Variants in NEMP2 observed in about 807,000 individuals in gnomAD.
The protein encoded by NEMP2 is UPF0571 transmembrane protein.
A neutral mutation model predicts 54.2 loss-of-function variants in NEMP2; 53 were observed. The ratio of observed to expected loss-of-function variants is 0.98; its 90% CI spans 0.78 to 1.23. The LOEUF is 1.23. Among genes scored for constraint, NEMP2 ranks in the 50% most tolerant of loss-of-function variants. The probability of loss-of-function intolerance (pLI) is 0.00; values close to 1 mark genes in which losing one functional copy is unlikely to be tolerated. For synonymous variants in NEMP2, 197 were observed against 190.3 expected (o/e 1.04, Z -0.29); for missense variants, 455 against 511.3 (o/e 0.89, Z 1.06).
the NEMP2 span, among the ~76,000 whole-genome samples, chr2:190,492,907 C>A: frequency 3.3e-5 from 5 of 151,910 alleles, no homozygotes; most frequent in African/African-American, 4.8e-5. The surrounding 1 kb of genome is among the most constrained non-coding windows in gnomAD (Gnocchi z 5.2). Flanking sequence ...CCTGGAAACA[C>A]ATCCAAACAG....
At chr2:190,491,118 T>A in the NEMP2 span, among the ~76,000 whole-genome samples, 3 of 152,182 alleles carry the variant, frequency 2.0e-5, no homozygotes, top group African/African-American at 7.2e-5. This position sits in a 1 kb window ranked among gnomAD's most constrained non-coding sequence, Gnocchi z 4.2. Context: ...AAATTTAAAA[T>A]CATTAATTAA....
the NEMP2 span, chr2:190,489,932 C>CT: frequency 1.5e-5 from 21 of 1,415,488 alleles, no homozygotes; most frequent in African/African-American, 2.8e-5. The surrounding 1 kb of genome is among the most constrained non-coding windows in gnomAD (Gnocchi z 6.6). Context: ...ACAAATGCCC[C>CT]GAGAAGCCTA....
the NEMP2 span, among the ~76,000 whole-genome samples, chr2:190,599,779 T>C: frequency 6.6e-6 from 1 of 152,170 alleles, no homozygotes; most frequent in Admixed American, 6.6e-5. Context: ...ATAGCAGGGA[T>C]GACAAAGATG....
the NEMP2 span, among the ~76,000 whole-genome samples, chr2:190,579,762 A>C: frequency 6.6e-6 from 1 of 152,244 alleles, no homozygotes. Flanking sequence ...AAAAGTATTC[A>C]ATAAAAACAG....
the NEMP2 span, chr2:190,625,519 C>T: frequency 6.6e-6 from 1 of 152,122 alleles, no homozygotes; most frequent in Non-Finnish European, 1.5e-5. Context: ...GTACTAAGAA[C>T]ACTGAATTGC....
At chr2:190,633,311 CTTTTT>C in the NEMP2 span, among the ~76,000 whole-genome samples, 1 of 132,482 alleles carries the variant, frequency 7.5e-6, no homozygotes. Context: ...TCAACTTTTC[CTTTTT>C]TTTTTTTTTT....
chr2:190,447,042 C>CAGAGAAA, the NEMP2 span, among the ~76,000 whole-genome samples: 35 of 151,986 alleles, frequency 2.3e-4, no homozygotes, highest in African/African-American at 8.2e-4. This position sits in a 1 kb window ranked among gnomAD's most constrained non-coding sequence, Gnocchi z 4.5. Flanking sequence ...CTAAATGTTT[C>CAGAGAAA]AGAGAAAACT....
At chr2:190,617,997 C>T in the NEMP2 span, among the ~76,000 whole-genome samples, 1 of 152,104 alleles carries the variant, frequency 6.6e-6, no homozygotes, top group African/African-American at 2.4e-5. This position sits in a 1 kb window ranked among gnomAD's most constrained non-coding sequence, Gnocchi z 5.0. Context: ...AAAATGAGGA[C>T]TTGAATTTTA....
chr2:190,563,869 G>A, the NEMP2 span, among the ~76,000 whole-genome samples: 2 of 152,248 alleles, frequency 1.3e-5, no homozygotes, highest in Non-Finnish European at 2.9e-5. The surrounding 1 kb of genome is among the most constrained non-coding windows in gnomAD (Gnocchi z 4.3). Context: ...TCAAAGCCCT[G>A]CCAAGGCCTC....
the NEMP2 span, among the ~76,000 whole-genome samples, chr2:190,578,136 A>G: frequency 6.6e-6 from 1 of 152,136 alleles, no homozygotes; most frequent in Admixed American, 6.6e-5. The surrounding 1 kb of genome is among the most constrained non-coding windows in gnomAD (Gnocchi z 4.4). Context: ...GTCATAATGG[A>G]CAGGATGTGA....
the NEMP2 span, among the ~76,000 whole-genome samples, chr2:190,425,363 A>G: frequency 5.9e-5 from 9 of 152,236 alleles, no homozygotes; most frequent in African/African-American, 2.2e-4. The surrounding 1 kb of genome is among the most constrained non-coding windows in gnomAD (Gnocchi z 4.3). Context: ...AACTTCCAGC[A>G]TTGTGTTGCA....
At chr2:190,482,647 C>A in the NEMP2 span, among the ~76,000 whole-genome samples, 1 of 151,276 alleles carries the variant, frequency 6.6e-6, no homozygotes, top group South Asian at 2.1e-4. Flanking sequence ...TTACAAAGAG[C>A]AGCTGTCTCC....
the NEMP2 span, among the ~76,000 whole-genome samples, chr2:190,483,867 A>G: frequency 2.0e-5 from 3 of 151,980 alleles, no homozygotes; most frequent in Non-Finnish European, 4.4e-5. Context: ...GTTAACGAAA[A>G]CAATTAATGT....
At chr2:190,634,905 G>A in the NEMP2 span, among the ~76,000 whole-genome samples, 1 of 152,216 alleles carries the variant, frequency 6.6e-6, no homozygotes, top group Non-Finnish European at 1.5e-5. This position sits in a 1 kb window ranked among gnomAD's most constrained non-coding sequence, Gnocchi z 6.8. Flanking sequence ...ATGTGGCAGG[G>A]AGAGACAGGA....
chr2:190,488,412 A>G, the NEMP2 span, among the ~76,000 whole-genome samples: 1 of 152,238 alleles, frequency 6.6e-6, no homozygotes, highest in Non-Finnish European at 1.5e-5. The surrounding 1 kb of genome is among the most constrained non-coding windows in gnomAD (Gnocchi z 6.4). Context: ...TAAGGGGTAC[A>G]GAATTTTTGT....
At chr2:190,588,656 C>G in the NEMP2 span, among the ~76,000 whole-genome samples, 2 of 152,278 alleles carry the variant, frequency 1.3e-5, no homozygotes, top group African/African-American at 4.8e-5. The surrounding 1 kb of genome is among the most constrained non-coding windows in gnomAD (Gnocchi z 5.0). Flanking sequence ...GTTACTGCTG[C>G]TTCCACATCA....
At chr2:190,576,904 C>T in the NEMP2 span, among the ~76,000 whole-genome samples, 5 of 152,148 alleles carry the variant, frequency 3.3e-5, no homozygotes, top group African/African-American at 1.2e-4. Flanking sequence ...CTGTATGCAA[C>T]GAGCTTTGCA....
At chr2:190,621,830 T>C in the NEMP2 span, among the ~76,000 whole-genome samples, 2 of 152,182 alleles carry the variant, frequency 1.3e-5, no homozygotes, top group Non-Finnish European at 2.9e-5. Flanking sequence ...TTCTGAGGGC[T>C]GGGCATGGTG....
chr2:190,553,876 A>T, the NEMP2 span, among the ~76,000 whole-genome samples: 1 of 152,222 alleles, frequency 6.6e-6, no homozygotes, highest in Admixed American at 6.5e-5. Flanking sequence ...TGCTGGCAAG[A>T]TGGCTGAATA....
Sources: allele counts gnomAD v4.1 joint callset (sites outside exome capture counted in the v4.1 genomes callset), GRCh38; gene constraint gnomAD v4.1.1; non-coding constraint Gnocchi (gnomAD v3.1); transcripts MANE v1.5; gene names NCBI Gene and HGNC (gene_info 2026-07-23, HGNC 2026-07-21).